SDHAF4: variants seen among roughly 807,000 people sequenced by gnomAD.
SDHAF4 encodes the protein succinate dehydrogenase complex assembly factor 4.
A neutral mutation model predicts 14.3 loss-of-function variants in SDHAF4; 14 were observed. The observed-to-expected ratio is 0.98, with a 90% CI of 0.65 to 1.53. The LOEUF (loss-of-function observed/expected upper bound fraction) is 1.53, where lower values mean the gene tolerates loss of function less well. SDHAF4 is among the 40% of genes most tolerant of loss of function. The probability of loss-of-function intolerance (pLI) is 0.00; values close to 1 mark genes in which losing one functional copy is unlikely to be tolerated. For synonymous variants in SDHAF4, 63 were observed against 47.3 expected (o/e 1.33, Z -1.36); for missense variants, 141 against 129.3 (o/e 1.09, Z -0.44).
downstream of SDHAF4, among the ~76,000 whole-genome samples, chr6:70,593,173 G>T (rs769052114): frequency 6.6e-6 from 1 of 152,250 alleles, no homozygotes; most frequent in Non-Finnish European, 1.5e-5. Context: ...GATGCAAGTG[G>T]TCTCAGATGC....
chr6:70,569,907 A>G (rs1322722487), intron 1 of SDHAF4, among the ~76,000 whole-genome samples: 7 of 152,154 alleles, frequency 4.6e-5, no homozygotes, highest in Non-Finnish European at 1.5e-5. Flanking sequence ...TCTACCAGGA[A>G]TTGATGGTTT....
In SDHAF4 at chr6:70,588,683, T is replaced by C. The variant is rs764798487; in HGVS notation, c.286T>C (p.Tyr96His). The C allele has an allele frequency of 6.8e-6, 11 of 1,606,246 alleles. No individual in the cohort carries two copies. In the Admixed American group the frequency reaches 1.2e-4, roughly 17 times the overall value. Reference sequence around the variant, plus strand: ...ACCCAGGGGCCCAGAACCTACCCGATATGGAGATTGGGAACGAAAAGGACG... The same window carrying C: ...ACCCAGGGGCCCAGAACCTACCCGACATGGAGATTGGGAACGAAAAGGACG... Reference protein sequence around the residue: ...GGPRGPEPTRYGDWERKGRCI... With the variant: ...GGPRGPEPTRHGDWERKGRCI... The change falls in exon 3 of 3, where the codon TAT becomes CAT. Residue 96 changes from tyrosine to histidine, a missense_variant. Transcript: ENST00000370474.
At chr6:70,582,787 C>G (rs74630875) in intron 2 of SDHAF4, among the ~76,000 whole-genome samples, 3,672 of 152,308 alleles carry the variant, frequency 0.024, 102 homozygotes, top group African/African-American at 0.066. Flanking sequence ...CAAGCTGTCT[C>G]TAGCTCCACT....
chr6:70,577,471 C>T (rs1349281762), intron 1 of SDHAF4, among the ~76,000 whole-genome samples: 1 of 152,110 alleles, frequency 6.6e-6, no homozygotes, highest in Admixed American at 6.6e-5. Context: ...GTTTGGATAA[C>T]TTTTATAGCA....
rs1370690016 is a variant in SDHAF4 at position 70,575,603 on chromosome 6, G to T, written c.65-3811G>T. ...TCTATCTCTGATTTAGAAGATGTTT[G>T]ATTTTGTTTTACCTTTTTAGGTGTT... On this transcript the variant is annotated intron_variant, in intron 1 of 2. Coordinates refer to ENST00000370474, the MANE Select transcript of SDHAF4 (RefSeq NM_145267.3). Among the ~76,000 whole-genome samples, 3 of 151,956 alleles carry T rather than the reference G, an allele frequency of 2.0e-5. No homozygotes were observed. The East Asian group carries it at 5.8e-4, about 29-fold the overall frequency.
intron 2 of SDHAF4, among the ~76,000 whole-genome samples, chr6:70,583,060 A>T (rs1238107442): frequency 6.6e-6 from 1 of 152,212 alleles, no homozygotes; most frequent in Non-Finnish European, 1.5e-5. Flanking sequence ...ACACAAAAAG[A>T]TCAGAGGAAA....
intron 2 of SDHAF4, among the ~76,000 whole-genome samples, chr6:70,583,391 G>A (rs1247216317): frequency 6.6e-6 from 1 of 152,196 alleles, no homozygotes; most frequent in African/African-American, 2.4e-5. Flanking sequence ...GAGGTTACAG[G>A]TGTGAGCCAC....
chr6:70,588,568 C>A, intron 2 of SDHAF4, 47 bp from the exon 3 acceptor site: 1 of 922,018 alleles, frequency 1.1e-6, no homozygotes, highest in Non-Finnish European at 1.7e-6. Flanking sequence ...ACTATAAGGC[C>A]TTTCCTGCCT....
In SDHAF4 at chr6:70,583,936, G is replaced by T. The variant is rs142708931; in HGVS notation, c.217+4370G>T. ...CAGTGAGGAAATGTATTTGGATAGA[G>T]GTTGTTTTAATTAGCTTTATTAAAT... On this transcript the variant is annotated intron_variant, in intron 2 of 2. Coordinates refer to ENST00000370474, the MANE Select transcript of SDHAF4 (RefSeq NM_145267.3). Among the ~76,000 whole-genome samples the T allele has an allele frequency of 3.4e-3, 515 of 152,298 alleles. 3 individuals are homozygous for T. Among genetic ancestry groups the T allele is most frequent in the African/African-American group, 0.012 (485 of 41,558 alleles).
intron 1 of SDHAF4, 38 bp downstream of exon 1, chr6:70,567,042 G>A: frequency 6.5e-7 from 1 of 1,545,920 alleles, no homozygotes; most frequent in Non-Finnish European, 8.8e-7. Context: ...CGCGGGAGGG[G>A]TCGTGAAGGC....
chr6:70,589,436 G>T lies in SDHAF4; in HGVS notation c.*712G>T, dbSNP rs1446461055. On this transcript the variant is annotated 3_prime_UTR_variant, in exon 3 of 3. Coordinates refer to ENST00000370474, the MANE Select transcript of SDHAF4 (RefSeq NM_145267.3). Reference sequence around the variant, plus strand: ...CTGCCTCAGCCTCCCAAAGTGCTGGGATTGCAGGTGTGAGCCACCACGCCC... The same window carrying T: ...CTGCCTCAGCCTCCCAAAGTGCTGGTATTGCAGGTGTGAGCCACCACGCCC... 1 of 152,206 alleles carries T rather than the reference G, an allele frequency of 6.6e-6. No homozygotes were observed. The highest frequency in any genetic ancestry group is 2.4e-5 in the African/African-American group (1 of 41,442). The allele number at this position is 152,206 out of a possible 1,614,324, so 9.4% of individuals were successfully genotyped here. A position where few individuals can be genotyped will look rare whatever the true frequency, so the allele number is the denominator to read the frequency against.
At chr6:70,572,058 C>CTT (rs66688860) in intron 1 of SDHAF4, among the ~76,000 whole-genome samples, 26 of 53,508 alleles carry the variant, frequency 4.9e-4, no homozygotes, top group East Asian at 2.4e-3. Flanking sequence ...CTTTTTTTGT[C>CTT]TTTTTTTTTT....
At chr6:70,584,131 C>G (rs1032886047) in intron 2 of SDHAF4, among the ~76,000 whole-genome samples, 2 of 152,068 alleles carry the variant, frequency 1.3e-5, no homozygotes, top group Non-Finnish European at 2.9e-5. Context: ...TCAAGCGAGT[C>G]TCCTTCCTCA....
Position 70,574,058 on chromosome 6 carries a change from T to C in SDHAF4, c.65-5356T>C, listed in dbSNP as rs182987600. ...TAGGCTGGCTGGGCACGGTGGCTCA[T>C]GCCTGTAATCCCAGCACTTTGGGAG... On this transcript the variant is annotated intron_variant, in intron 1 of 2. Coordinates refer to ENST00000370474, the MANE Select transcript of SDHAF4 (RefSeq NM_145267.3). Among the ~76,000 whole-genome samples the C allele has an allele frequency of 5.6e-3, 856 of 151,540 alleles. 3 individuals carry two copies. The highest frequency in any genetic ancestry group is 8.2e-3 in the Non-Finnish European group (558 of 67,864).
At chr6:70,574,619 C>T (rs988553566) in intron 1 of SDHAF4, among the ~76,000 whole-genome samples, 12 of 151,968 alleles carry the variant, frequency 7.9e-5, no homozygotes, top group African/African-American at 2.7e-4. Flanking sequence ...TAACAAAATC[C>T]CCCAGGTGGT....
the SDHAF4 span, among the ~76,000 whole-genome samples, chr6:70,597,318 T>C: frequency 6.7e-6 from 1 of 148,630 alleles, no homozygotes; most frequent in South Asian, 2.1e-4. Context: ...TTTTTTTTTT[T>C]TTGTATTTTT....
downstream of SDHAF4, among the ~76,000 whole-genome samples, chr6:70,590,270 G>A (rs1474388116): frequency 2.6e-5 from 4 of 151,992 alleles, no homozygotes; most frequent in Admixed American, 2.6e-4. Flanking sequence ...GAAAAGAAAA[G>A]CACACATTCA....
At chr6:70,595,305 T>C in the SDHAF4 span, among the ~76,000 whole-genome samples, 1 of 152,190 alleles carries the variant, frequency 6.6e-6, no homozygotes, top group Non-Finnish European at 1.5e-5. Flanking sequence ...CTGATAACTG[T>C]GTGATATGAA....
chr6:70,567,842 T>C (rs1802122531), intron 1 of SDHAF4, among the ~76,000 whole-genome samples: 1 of 152,066 alleles, frequency 6.6e-6, no homozygotes, highest in Non-Finnish European at 1.5e-5. Flanking sequence ...CCCGCCACCG[T>C]GCCTGACTAA....
Sources: gnomAD v4.1 joint callset for allele counts (sites outside exome capture counted in the v4.1 genomes callset) on GRCh38, gnomAD v4.1.1 for gene constraint, MANE v1.5 for transcripts, NCBI Gene and HGNC (gene_info 2026-07-23, HGNC 2026-07-21) for gene names.